The following LINGO2 variants were observed in gnomAD, a reference collection of about 807,000 sequenced individuals.
LINGO2 encodes the protein leucine-rich repeat and immunoglobulin-like domain-containing nogo receptor-interacting protein 2.
A neutral mutation model predicts 30.6 loss-of-function variants in LINGO2; 14 were observed. The observed-to-expected ratio is 0.46, with a 90% confidence interval of 0.30 to 0.72. The LOEUF is 0.72. Among genes scored for constraint, LINGO2 ranks in the 30% least tolerant of loss-of-function variants. LINGO2 has a pLI of 0.07. For synonymous variants in LINGO2, 317 were observed against 288.5 expected, an observed-to-expected ratio of 1.10 and a Z score of -1.00; for missense variants, 729 against 751.7, an observed-to-expected ratio of 0.97 and a Z score of 0.35.
At chr9:28,804,686 T>C in the LINGO2 span, among the ~76,000 whole-genome samples, 3 of 152,196 alleles carry the variant, frequency 2.0e-5, no homozygotes, top group Admixed American at 6.5e-5. Context: ...TACAGAATCC[T>C]AAAATCCAAT....
At chr9:29,203,246 T>G in the LINGO2 span, among the ~76,000 whole-genome samples, 1 of 152,058 alleles carries the variant, frequency 6.6e-6, no homozygotes, top group South Asian at 2.1e-4. Context: ...GAATGAGGTT[T>G]TAAGGAAAAA....
intron 1 of LINGO2, among the ~76,000 whole-genome samples, chr9:28,485,465 A>T (rs1449599854): frequency 6.6e-6 from 1 of 152,138 alleles, no homozygotes; most frequent in Non-Finnish European, 1.5e-5. Flanking sequence ...GTATCAAGTA[A>T]ATGATAATGA....
At chr9:28,311,447 CTG>C (rs1459512275) in intron 3 of LINGO2, among the ~76,000 whole-genome samples, 4 of 152,118 alleles carry the variant, frequency 2.6e-5, no homozygotes, top group African/African-American at 9.7e-5. Context: ...CTACTGGAGA[CTG>C]GGGCTTATTA....
chr9:28,636,285 C>T (rs905347718), intron 1 of LINGO2, among the ~76,000 whole-genome samples: 4 of 152,152 alleles, frequency 2.6e-5, no homozygotes, highest in African/African-American at 4.8e-5. Context: ...AATAAACATA[C>T]GTGTGCATAT....
the LINGO2 span, among the ~76,000 whole-genome samples, chr9:28,983,333 AAG>A: frequency 1.3e-5 from 2 of 151,712 alleles, no homozygotes; most frequent in East Asian, 1.9e-4. Context: ...AAAAAAAAAA[AAG>A]AACTGATGAT....
At chr9:28,318,672 G>A (rs187549942) in intron 3 of LINGO2, among the ~76,000 whole-genome samples, 22 of 152,210 alleles carry the variant, frequency 1.4e-4, no homozygotes, top group Admixed American at 3.9e-4. Flanking sequence ...CAAGAATTCC[G>A]CCTGGCATTA....
the LINGO2 span, among the ~76,000 whole-genome samples, chr9:29,129,205 G>A: frequency 6.6e-6 from 1 of 151,952 alleles, no homozygotes; most frequent in Non-Finnish European, 1.5e-5. Flanking sequence ...TTACTTTTGA[G>A]GCTTTTATTT....
At chr9:29,131,273 G>A in the LINGO2 span, among the ~76,000 whole-genome samples, 21 of 152,102 alleles carry the variant, frequency 1.4e-4, no homozygotes, top group Non-Finnish European at 3.1e-4. Context: ...GCCACAGCCT[G>A]TGTATACCGG....
At chr9:28,255,531 TAA>T (rs1219891576) in intron 4 of LINGO2, among the ~76,000 whole-genome samples, 1 of 152,112 alleles carries the variant, frequency 6.6e-6, no homozygotes, top group East Asian at 1.9e-4. Flanking sequence ...ATGATGTATG[TAA>T]AGCACTTAGT....
chr9:28,139,059 T>C (rs918725548), intron 4 of LINGO2, among the ~76,000 whole-genome samples: 1 of 152,328 alleles, frequency 6.6e-6, no homozygotes. Flanking sequence ...CCTGAAGCTA[T>C]TTTTCAGGTT....
the LINGO2 span, among the ~76,000 whole-genome samples, chr9:29,081,005 G>A: frequency 2.6e-5 from 4 of 152,000 alleles, no homozygotes; most frequent in African/African-American, 7.2e-5. Flanking sequence ...GTAAAAGGAG[G>A]AGCTGGTACC....
the LINGO2 span, among the ~76,000 whole-genome samples, chr9:28,905,497 A>G: frequency 5.9e-5 from 9 of 152,150 alleles, no homozygotes; most frequent in African/African-American, 2.2e-4. Context: ...CTACACAAAT[A>G]ATTGTCAAAA....
the LINGO2 span, among the ~76,000 whole-genome samples, chr9:28,894,355 C>T: frequency 6.6e-6 from 1 of 152,194 alleles, no homozygotes; most frequent in African/African-American, 2.4e-5. Context: ...TAGTGTCTTA[C>T]ATGTTACAAC....
chr9:29,149,056 C>T, the LINGO2 span, among the ~76,000 whole-genome samples: 1 of 152,126 alleles, frequency 6.6e-6, no homozygotes, highest in South Asian at 2.1e-4. Context: ...ATCCTAATTC[C>T]TAAACATCTC....
chr9:28,419,025 G>C (rs1335713190), intron 2 of LINGO2, among the ~76,000 whole-genome samples: 11 of 152,184 alleles, frequency 7.2e-5, no homozygotes, highest in African/African-American at 2.2e-4. Flanking sequence ...AGTAAGTCCA[G>C]AGTAACATTT....
chr9:28,058,094 A>G (rs1187292784), intron 4 of LINGO2, among the ~76,000 whole-genome samples: 1 of 152,130 alleles, frequency 6.6e-6, no homozygotes, highest in Non-Finnish European at 1.5e-5. Flanking sequence ...TAGTTGTGCC[A>G]GTTGAAAAGT....
the LINGO2 span, among the ~76,000 whole-genome samples, chr9:28,818,578 G>A: frequency 4.1e-4 from 63 of 152,190 alleles, 1 homozygote; most frequent in African/African-American, 1.5e-3. Context: ...TAGAGACAAG[G>A]TTTCACCATC....
the LINGO2 span, among the ~76,000 whole-genome samples, chr9:28,931,031 G>C: frequency 1.3e-5 from 2 of 152,146 alleles, no homozygotes; most frequent in Non-Finnish European, 2.9e-5. Flanking sequence ...TAATAACACT[G>C]TGGAGGAAAA....
chr9:28,839,648 A>G, the LINGO2 span, among the ~76,000 whole-genome samples: 3 of 152,124 alleles, frequency 2.0e-5, no homozygotes, highest in Admixed American at 2.0e-4. Flanking sequence ...GGGTTTTTAC[A>G]TGCTTCAGAG....
Sources: gnomAD v4.1 joint callset for allele counts (sites outside exome capture counted in the v4.1 genomes callset) on GRCh38, gnomAD v4.1.1 for gene constraint, MANE v1.5 for transcripts, NCBI Gene and HGNC (gene_info 2026-07-23, HGNC 2026-07-21) for gene names.